The following PDE8A variants were observed in gnomAD, a reference collection of about 807,000 sequenced individuals.
PDE8A encodes phosphodiesterase 8A.
Under a neutral mutation model 105.0 loss-of-function variants are expected in PDE8A, and 59 were observed. The ratio of observed to expected loss-of-function variants is 0.56; its 90% CI spans 0.46 to 0.70. The LOEUF is 0.70. Ranked by LOEUF, PDE8A falls within the 30% of genes least tolerant of loss-of-function variation. The pLI is 0.00. For synonymous variants in PDE8A, 355 were observed against 371.9 expected (o/e 0.95, Z 0.52); for missense variants, 1,014 against 1,045.9 (o/e 0.97, Z 0.42).
chr15:85,106,535 GGTGGCTA>G (rs1413054830), intron 11 of PDE8A, among the ~76,000 whole-genome samples: 1 of 152,198 alleles, frequency 6.6e-6, no homozygotes, highest in Non-Finnish European at 1.5e-5. Context: ...AGGCTCATCA[GGTGGCTA>G]TGTGGACATT....
intron 18 of PDE8A, among the ~76,000 whole-genome samples, chr15:85,122,384 G>T (rs1424212523): frequency 6.6e-6 from 1 of 152,180 alleles, no homozygotes; most frequent in African/African-American, 2.4e-5. Flanking sequence ...TTTTAAAGAA[G>T]AGGATTTTTG....
At chr15:85,015,453 C>T (rs2080309354) in intron 1 of PDE8A, among the ~76,000 whole-genome samples, 1 of 152,160 alleles carries the variant, frequency 6.6e-6, no homozygotes, top group Admixed American at 6.5e-5. Flanking sequence ...AGCAACCCAC[C>T]TGCCTCAGCC....
At chr15:85,034,690 A>G (rs911110905) in intron 1 of PDE8A, among the ~76,000 whole-genome samples, 23 of 152,364 alleles carry the variant, frequency 1.5e-4, no homozygotes, top group African/African-American at 5.0e-4. Flanking sequence ...AGAATGGTGC[A>G]GGAGAAGAAA....
chr15:85,007,592 A>G (rs1057306656), intron 1 of PDE8A, among the ~76,000 whole-genome samples: 6 of 152,074 alleles, frequency 3.9e-5, no homozygotes, highest in African/African-American at 1.4e-4. Context: ...CATTGTTTTC[A>G]GATCTCAGCT....
intron 1 of PDE8A, among the ~76,000 whole-genome samples, chr15:85,019,201 T>C (rs551792643): frequency 6.6e-6 from 1 of 152,274 alleles, no homozygotes; most frequent in East Asian, 1.9e-4. Flanking sequence ...ATATGAGTGA[T>C]GGATGATATT....
chr15:85,013,788 T>C (rs1486846903), intron 1 of PDE8A, among the ~76,000 whole-genome samples: 1 of 152,176 alleles, frequency 6.6e-6, no homozygotes, highest in Non-Finnish European at 1.5e-5. Flanking sequence ...GTTGGCTGGG[T>C]CTTTGGTCAT....
intron 1 of PDE8A, among the ~76,000 whole-genome samples, chr15:85,058,601 T>C (rs1052304169): frequency 6.6e-6 from 1 of 152,172 alleles, no homozygotes; most frequent in African/African-American, 2.4e-5. Flanking sequence ...TCTATTCAGG[T>C]TTTCTGTTTC....
intron 1 of PDE8A, among the ~76,000 whole-genome samples, chr15:85,035,989 C>G (rs2080700174): frequency 1.3e-5 from 2 of 152,194 alleles, no homozygotes; most frequent in African/African-American, 2.4e-5. Flanking sequence ...TCCAAATTTT[C>G]AGCAGATCTG....
At chr15:85,113,261 C>G in intron 12 of PDE8A, 116 bp from the exon 13 acceptor site, 1 of 850,922 alleles carries the variant, frequency 1.2e-6, no homozygotes, top group Non-Finnish European at 2.0e-6. Context: ...GGAAGCTCAG[C>G]AAACTCAGTT....
At chr15:85,112,573 C>T (rs1044933548) in intron 12 of PDE8A, among the ~76,000 whole-genome samples, 5 of 152,122 alleles carry the variant, frequency 3.3e-5, no homozygotes, top group African/African-American at 9.7e-5. Flanking sequence ...ATTTGAGACC[C>T]CCTGAATTGG....
intron 1 of PDE8A, among the ~76,000 whole-genome samples, chr15:85,015,254 T>TA (rs1246401489): frequency 6.6e-6 from 1 of 151,642 alleles, no homozygotes; most frequent in East Asian, 1.9e-4. Flanking sequence ...CTTTTTTTTT[T>TA]TGGACAGGGT....
rs2081832254 is a variant in PDE8A at position 85,099,997 on chromosome 15, ATTGTTT to A, written c.942-15_942-10del. ...TAGAGACTCAGAAGAGAAATAATGC[ATTGTTT>A]TTTACTTGCAGAAAAATTAGACACT... On this transcript the variant is annotated splice_polypyrimidine_tract_variant and intron_variant, in intron 9 of 21. Transcript: ENST00000394553. 1 of 1,593,822 alleles carries A rather than the reference ATTGTTT, an allele frequency of 6.3e-7. No homozygotes were observed. The highest frequency in any genetic ancestry group is 1.3e-5 in the African/African-American group (1 of 74,138).
rs545009575 is a variant in PDE8A at position 85,086,486 on chromosome 15, G to GA, written c.635+2847dup. On this transcript the variant is annotated intron_variant, in intron 6 of 21. Transcript: ENST00000394553. ...CATGAAGAGCTTTGATTAATCAATTGAAAAATGATCAATTAAAAATTAGAA... is the reference window on the plus strand; with the variant it reads ...CATGAAGAGCTTTGATTAATCAATTGAAAAAATGATCAATTAAAAATTAGAA... 3.1e-3 allele frequency among the ~76,000 whole-genome samples: 466 copies of GA among 152,238 alleles called. 2 individuals are homozygous for GA. The highest frequency in any genetic ancestry group is 0.011 in the African/African-American group (437 of 41,552).
intron 9 of PDE8A, 76 bp downstream of exon 9, chr15:85,098,112 GT>G: frequency 2.4e-6 from 2 of 850,472 alleles, no homozygotes; most frequent in Non-Finnish European, 4.0e-6. Flanking sequence ...GAATATTTAA[GT>G]TAAGGACTGC....
chr15:85,063,514 G>A (rs1596482283), intron 1 of PDE8A: 1 of 152,348 alleles, frequency 6.6e-6, no homozygotes, highest in East Asian at 1.9e-4. Flanking sequence ...GGGCCCCTTT[G>A]TGTTGTATAC....
At chr15:85,013,089 A>G (rs289375) in intron 1 of PDE8A, among the ~76,000 whole-genome samples, 113,460 of 152,060 alleles carry the variant, frequency 0.75, 42,434 homozygotes, top group Non-Finnish European at 0.77. Flanking sequence ...CTAGTTGCTT[A>G]GAATTAAGGG....
intron 20 of PDE8A, among the ~76,000 whole-genome samples, chr15:85,136,002 G>C (rs1443107098): frequency 6.6e-6 from 1 of 152,190 alleles, no homozygotes. Context: ...CAGGTGGAAG[G>C]ACGGCTGGAC....
intron 1 of PDE8A, among the ~76,000 whole-genome samples, chr15:84,983,919 G>C (rs368549859): frequency 1.3e-5 from 2 of 152,212 alleles, no homozygotes; most frequent in East Asian, 1.9e-4. Flanking sequence ...TGCTATCGCA[G>C]TGCCGTTAGG....
intron 1 of PDE8A, among the ~76,000 whole-genome samples, chr15:85,009,108 A>AGT (rs769774976): frequency 0.019 from 807 of 42,200 alleles, 6 homozygotes; most frequent in Admixed American, 0.041. Context: ...AGAGAGAGAG[A>AGT]GAGTGTGTGT....
Sources: gnomAD v4.1 joint callset for allele counts (sites outside exome capture counted in the v4.1 genomes callset) on GRCh38, gnomAD v4.1.1 for gene constraint, MANE v1.5 for transcripts, NCBI Gene and HGNC (gene_info 2026-07-23, HGNC 2026-07-21) for gene names.